GGT1: variants seen among roughly 807,000 people sequenced by gnomAD.
GGT1 encodes the protein gamma-glutamyltransferase 1, also known as glutathione hydrolase 1 proenzyme.
Under a neutral mutation model 56.0 loss-of-function variants are expected in GGT1, and 21 were observed. The observed-to-expected ratio is 0.38, with a 90% CI of 0.27 to 0.54. The LOEUF (loss-of-function observed/expected upper bound fraction) is 0.54. Among genes scored for constraint, GGT1 ranks in the 20% least tolerant of loss-of-function variants. The pLI, the probability that GGT1 is intolerant of heterozygous loss-of-function variation, is 0.82. For missense variants in GGT1, 466 were observed against 787.0 expected (o/e 0.59, Z 4.88); for synonymous variants, 238 against 342.6 (o/e 0.69, Z 3.37).
intron 11 of GGT1, among the ~76,000 whole-genome samples, chr22:24,626,913 G>A (rs1416641322): frequency 6.7e-6 from 1 of 149,810 alleles, no homozygotes; most frequent in Non-Finnish European, 1.5e-5. Context: ...TATACCACCT[G>A]CCTCAGGGCC....
chr22:24,627,782 C>G (rs1167468539), intron 12 of GGT1, 70 bp from the exon 13 acceptor site: 4 of 1,568,738 alleles, frequency 2.5e-6, no homozygotes, highest in East Asian at 4.5e-5. Flanking sequence ...ATGTTTGAGC[C>G]TCAGTGGGTG....
the GGT1 span, among the ~76,000 whole-genome samples, chr22:24,584,619 C>CA: frequency 6.6e-6 from 1 of 152,144 alleles, no homozygotes; most frequent in African/African-American, 2.4e-5. Flanking sequence ...GAGGGAAAGT[C>CA]AGAGCTGGTG....
At chr22:24,607,159 C>T (rs998278474) in intron 1 of GGT1, among the ~76,000 whole-genome samples, 5 of 152,212 alleles carry the variant, frequency 3.3e-5, no homozygotes, top group Non-Finnish European at 5.9e-5. Flanking sequence ...CTGGGCTGTT[C>T]GGGTGGTTCC....
rs1208330812 is a variant in GGT1 at position 24,620,666 on chromosome 22, G to A, written c.575+146G>A. 12 of 1,466,986 alleles carry A rather than the reference G, an allele frequency of 8.2e-6. No homozygotes were observed. The highest frequency in any genetic ancestry group is 1.4e-5 in the South Asian group (1 of 69,700). The allele number at this position is 1,466,986 out of a possible 1,614,324, so 90.9% of individuals were successfully genotyped here. A position where few individuals can be genotyped will look rare whatever the true frequency, so the allele number is the denominator to read the frequency against. ...AGGAGATACAGACCCTTCCCACCAC[G>A]TGTGGGGACACATTCTGAGCGTGGG... is the stretch of plus-strand genomic sequence containing the variant. On this transcript the variant is annotated intron_variant, in intron 8 of 15. Transcript: ENST00000400382. This position sits in a 1 kb window ranked among gnomAD's most constrained non-coding sequence, Gnocchi z 5.6.
At position 24,623,141 on chromosome 22, in the gene GGT1, C is replaced by T; in HGVS notation, c.768C>T (p.Tyr256=). The change falls in exon 10 of 16, where the codon TAC becomes TAT. Residue 256 remains tyrosine, a synonymous_variant. Coordinates refer to ENST00000400382, the MANE Select transcript of GGT1 (RefSeq NM_001288833.2). ...TGACAGCTGAGGACCTGAACAACTA[C>T]CGTGCTGAGCTGATCGAGCACCCGC... ...GIVTAEDLNN[Y]RAELIEHPLN... 8.1e-6 allele frequency: 13 copies of T among 1,610,944 alleles called. No homozygotes were observed. The highest frequency in any genetic ancestry group is 1.0e-5 in the Non-Finnish European group (12 of 1,179,324).
intron 11 of GGT1, among the ~76,000 whole-genome samples, chr22:24,626,309 C>G (rs927774344): frequency 2.8e-4 from 38 of 135,670 alleles, no homozygotes; most frequent in African/African-American, 1.1e-3. Context: ...CCACCGCGCC[C>G]GGTGTTGAAA....
chr22:24,611,773 TTGTGTGTGTGTGTG>T (rs57600451), intron 5 of GGT1, among the ~76,000 whole-genome samples: 65 of 131,020 alleles, frequency 5.0e-4, no homozygotes, highest in East Asian at 1.2e-3. Context: ...CCCAACAAAT[TTGTGTGTGTGTGTG>T]TGTGTGTGTG....
intron 5 of GGT1, among the ~76,000 whole-genome samples, chr22:24,612,374 A>T (rs1196713496): frequency 6.6e-6 from 1 of 150,954 alleles, no homozygotes; most frequent in Non-Finnish European, 1.5e-5. Context: ...ACATATGTAC[A>T]TATGTACACA....
rs1325116783 is a variant in GGT1, at chr22:24,620,214, T to C, written c.383-114T>C. 2 of 1,295,380 alleles carry C rather than the reference T, an allele frequency of 1.5e-6. No individual in the cohort carries two copies. Among genetic ancestry groups the C allele is most frequent in the Non-Finnish European group, 2.1e-6 (2 of 943,396 alleles). The allele number at this position is 1,295,380 out of a possible 1,614,324, so 80.2% of individuals were successfully genotyped here. On this transcript the variant is annotated intron_variant, in intron 7 of 15. Transcript: ENST00000400382. This position sits in a 1 kb window ranked among gnomAD's most constrained non-coding sequence, Gnocchi z 5.6. ...AAGAAAAAAAAAAAATCTTTCCTCC[T>C]AAGCCTCATTGCCCCATCTGTAAAA...
At chr22:24,600,495 A>G (rs1243154175), upstream of GGT1, among the ~76,000 whole-genome samples, 3 of 152,216 alleles carry the variant, frequency 2.0e-5, no homozygotes, top group Non-Finnish European at 2.9e-5. Context: ...GGCATTCACA[A>G]GCTGACAATT....
intron 1 of GGT1, among the ~76,000 whole-genome samples, chr22:24,596,679 C>A (rs1228133243): frequency 1.4e-5 from 2 of 147,424 alleles, no homozygotes; most frequent in African/African-American, 5.1e-5. Flanking sequence ...GTGGACGGAC[C>A]ATGAGGTCAG....
chr22:24,610,512 C>G lies in GGT1; in HGVS notation c.-27C>G, dbSNP rs1458758674. 2 of 164,914 alleles carry G rather than the reference C, an allele frequency of 1.2e-5. No homozygotes were observed. The highest frequency in any genetic ancestry group is 4.8e-5 in the African/African-American group (2 of 41,274). The allele number at this position is 164,914 out of a possible 1,614,324, so 10.2% of individuals were successfully genotyped here. A position where few individuals can be genotyped will look rare whatever the true frequency, so the allele number is the denominator to read the frequency against. Reference sequence around the variant, plus strand: ...CCAACACCCCAGGCAAGGCTTGGGGCCCCCGTCTGCTGCTGGACGGTAAGT... The same window carrying G: ...CCAACACCCCAGGCAAGGCTTGGGGGCCCCGTCTGCTGCTGGACGGTAAGT... On this transcript the variant is annotated 5_prime_UTR_variant, in exon 4 of 16. Transcript: ENST00000400382.
chr22:24,589,575 G>A, the GGT1 span: 1 of 514,138 alleles, frequency 1.9e-6, no homozygotes, highest in Non-Finnish European at 3.2e-6. Context: ...GCACAGTGCT[G>A]CCACACAGAA....
At chr22:24,611,733 T>C (rs150981256) in intron 5 of GGT1, among the ~76,000 whole-genome samples, 133 of 151,896 alleles carry the variant, frequency 8.8e-4, no homozygotes, top group African/African-American at 2.9e-3. Context: ...GTCTCCCAAG[T>C]AGCTGGGATT....
In GGT1 at chr22:24,627,471, C is replaced by G. The variant is rs1344918014; in HGVS notation, c.1060C>G (p.Leu354Val). 1.2e-6 allele frequency: 2 copies of G among 1,611,374 alleles called. No homozygotes were observed. The highest frequency in any genetic ancestry group is 1.7e-6 in the Non-Finnish European group (2 of 1,179,782). ...GACCTCCGAGTTCTTCGCTGCCCAGCTCCGGGCCCAGATCTCTGACGACAC... is the reference window on the plus strand; with the variant it reads ...GACCTCCGAGTTCTTCGCTGCCCAGGTCCGGGCCCAGATCTCTGACGACAC... The part of the protein sequence containing the change: ...NMTSEFFAAQ[L>V]RAQISDDTTH... The change falls in exon 12 of 16, where the codon CTC (leucine) becomes GTC (valine). Residue 354 changes from leucine (L) to valine (V), a missense_variant. This residue lies in a region of GGT1 where 456 missense variants were observed against 716.7 expected (regional missense o/e 0.64). Transcript: ENST00000400382.
chr22:24,611,426 G>A (rs2147327865), intron 5 of GGT1, among the ~76,000 whole-genome samples, 181 bp downstream of exon 5: 1 of 151,992 alleles, frequency 6.6e-6, no homozygotes, highest in Non-Finnish European at 1.5e-5. Context: ...AGCCAAACAG[G>A]GCCCCTTTTC....
At chr22:24,623,344 C>T in intron 10 of GGT1, 88 bp downstream of exon 10, 3 of 1,374,258 alleles carry the variant, frequency 2.2e-6, no homozygotes, top group Non-Finnish European at 2.0e-6. Flanking sequence ...CTCTGCTCGC[C>T]CCCCATGCCA....
At chr22:24,624,043 G>C in intron 11 of GGT1, 127 bp downstream of exon 11, 2 of 1,526,174 alleles carry the variant, frequency 1.3e-6, no homozygotes, top group Admixed American at 2.0e-5. Flanking sequence ...CTTCGATTGC[G>C]GGCCTACTGT....
At chr22:24,614,348 CAAAAAAAAAAAAAAAAAAA>C (rs534749815) in intron 5 of GGT1, among the ~76,000 whole-genome samples, 10 of 10,734 alleles carry the variant, frequency 9.3e-4, no homozygotes, top group Non-Finnish European at 2.4e-4. Context: ...GACTTTGTCT[CAAAAAAAAAAAAAAAAAAA>C]AAAAAAAAAA....
Sources: allele counts gnomAD v4.1 joint callset (sites outside exome capture counted in the v4.1 genomes callset), GRCh38; gene constraint gnomAD v4.1.1; regional missense constraint gnomAD v4.1.1; non-coding constraint Gnocchi (gnomAD v3.1); transcripts MANE v1.5; gene names NCBI Gene and HGNC (gene_info 2026-07-23, HGNC 2026-07-21).